The following JPT1 variants were observed in gnomAD, a reference collection of about 807,000 sequenced individuals.
JPT1 encodes Jupiter microtubule associated homolog 1, also known as androgen-regulated protein 2.
JPT1 carries 5 observed loss-of-function variants against 17.0 expected under a neutral mutation model. The ratio of observed to expected loss-of-function variants is 0.29; its 90% CI spans 0.15 to 0.62. The LOEUF (loss-of-function observed/expected upper bound fraction) is 0.62. Ranked by LOEUF, JPT1 falls within the 20% of genes least tolerant of loss-of-function variation. The probability of loss-of-function intolerance (pLI) is 0.85; values close to 1 mark genes in which losing one functional copy is unlikely to be tolerated. For missense variants in JPT1, 158 were observed against 188.1 expected (o/e 0.84, Z 0.94); for synonymous variants, 71 against 73.6 (o/e 0.96, Z 0.18).
chr17:75,151,311 G>A lies in JPT1; in HGVS notation c.57-2640C>T, dbSNP rs576056088. ...AGATCACACCACTGCACTCTAGCCT[G>A]GGCAAAAGAGTGAGACTCCGTCTCA... On this transcript the variant is annotated intron_variant, in intron 1 of 4. Transcript: ENST00000409753. 5.3e-5 allele frequency among the ~76,000 whole-genome samples: 8 copies of A among 151,888 alleles called. No homozygotes were observed. In the South Asian group the frequency reaches 1.7e-3, roughly 32 times the overall value.
chr17:75,146,700 A>G lies in JPT1; in HGVS notation c.298-16T>C, dbSNP rs1251067767. The G allele has an allele frequency of 6.7e-7, 1 of 1,502,920 alleles. No individual in the cohort carries two copies. Among genetic ancestry groups the G allele is most frequent in the Admixed American group, 2.0e-5 (1 of 50,436 alleles). The allele number at this position is 1,502,920 out of a possible 1,614,324, so 93.1% of individuals were successfully genotyped here. A position where few individuals can be genotyped will look rare whatever the true frequency, so the allele number is the denominator to read the frequency against. On this transcript the variant is annotated splice_polypyrimidine_tract_variant and intron_variant, in intron 3 of 4. Transcript: ENST00000409753. The stretch of plus-strand genomic sequence containing the variant: ...CACCTTCTCCCTAGAAAAGAAAAAA[A>G]TTCAAAAATTTACTTCCTATTTTAA...
rs1430590914 is a variant in JPT1, at chr17:75,151,863, G to A, written c.56+2479C>T. Among the ~76,000 whole-genome samples the A allele has an allele frequency of 4.6e-5, 7 of 151,808 alleles. No individual in the cohort carries two copies. In the East Asian group the frequency reaches 9.7e-4, roughly 21 times the overall value. On this transcript the variant is annotated intron_variant, in intron 1 of 4. Coordinates refer to ENST00000409753, the MANE Select transcript of JPT1 (RefSeq NM_016185.4). Reference sequence around the variant, plus strand: ...ACATGCCTGTAATCTCGGCTAGTCGGGAGGCTGAGGCAGGAGAATCGCTTG... The same window carrying A: ...ACATGCCTGTAATCTCGGCTAGTCGAGAGGCTGAGGCAGGAGAATCGCTTG...
At position 75,148,570 on chromosome 17, in the gene JPT1, C is replaced by A. The variant is rs117208625; in HGVS notation, c.158G>T (p.Gly53Val). 3.1e-3 allele frequency: 5,046 copies of A among 1,614,104 alleles called. 11 individuals carry two copies. Among genetic ancestry groups the A allele is most frequent in the Non-Finnish European group, 3.9e-3 (4,574 of 1,180,020 alleles). Reference sequence around the variant, plus strand: ...AGAAGCTTGATTTTCTTCAGGTGTCCCAAAGATATTAGAGGCCATTTTGTT... The same window carrying A: ...AGAAGCTTGATTTTCTTCAGGTGTCACAAAGATATTAGAGGCCATTTTGTT... The part of the protein sequence containing the change: ...RKNKMASNIF[G>V]TPEENQASWA... Residue 53 changes from glycine to valine, a missense_variant, in exon 2 of 5, where the codon GGG (glycine) becomes GTG (valine). By Grantham distance (109) the Gly-to-Val change is moderately radical. Coordinates refer to ENST00000409753, the MANE Select transcript of JPT1 (RefSeq NM_016185.4).
In JPT1 at chr17:75,135,712, G is replaced by C. The variant is rs533034786; in HGVS notation, c.*390C>G. On this transcript the variant is annotated 3_prime_UTR_variant, in exon 5 of 5. Coordinates refer to ENST00000409753, the MANE Select transcript of JPT1 (RefSeq NM_016185.4). ...GGCTCTGCGGAGAGACTCCCTGTGGGTTGGGGCCTGGCAGGAACGGTGCCT... is the reference window on the plus strand; with the variant it reads ...GGCTCTGCGGAGAGACTCCCTGTGGCTTGGGGCCTGGCAGGAACGGTGCCT... The C allele has an allele frequency of 4.0e-6, 1 of 249,532 alleles. No homozygotes were observed. Among genetic ancestry groups the C allele is most frequent in the African/African-American group, 2.2e-5 (1 of 45,154 alleles). 15.5% of individuals were successfully genotyped at this position (249,532 alleles called of 1,614,324 possible). A position where few individuals can be genotyped will look rare whatever the true frequency, so the allele number is the denominator to read the frequency against.
intron 3 of JPT1, 29 bp downstream of exon 3, chr17:75,147,527 C>T (rs751655492): frequency 1.4e-6 from 2 of 1,478,676 alleles, no homozygotes; most frequent in Admixed American, 3.4e-5. Context: ...GACCTGAAAG[C>T]CTTTCTGGCC....
chr17:75,138,816 C>T (rs1245670841), intron 4 of JPT1, among the ~76,000 whole-genome samples: 2 of 152,174 alleles, frequency 1.3e-5, no homozygotes, highest in Non-Finnish European at 2.9e-5. Flanking sequence ...ATTGGACAGA[C>T]ATTTATTTTA....
Position 75,142,885 on chromosome 17 carries a change from TACACAC to T in JPT1, c.316+3775_316+3780del, listed in dbSNP as rs79949682. 49 of 379,870 alleles carry T rather than the reference TACACAC, an allele frequency of 1.3e-4. 1 individual carries two copies. In the East Asian group the frequency reaches 2.7e-3, roughly 21 times the overall value. 23.5% of individuals were successfully genotyped at this position (379,870 alleles called of 1,614,324 possible). A position where few individuals can be genotyped will look rare whatever the true frequency, so the allele number is the denominator to read the frequency against. The stretch of plus-strand genomic sequence containing the variant: ...TATGATATACATACGTATATGAAAA[TACACAC>T]ACACACACACAAAATCTGTTTTTGT... On this transcript the variant is annotated intron_variant, in intron 4 of 4. Transcript: ENST00000409753.
At chr17:75,152,613 G>A (rs1192430703) in intron 1 of JPT1, among the ~76,000 whole-genome samples, 1 of 152,202 alleles carries the variant, frequency 6.6e-6, no homozygotes, top group Non-Finnish European at 1.5e-5. Flanking sequence ...AAAACTAAGT[G>A]TGAGGATTCA....
At chr17:75,150,499 C>A (rs1443861769) in intron 1 of JPT1, among the ~76,000 whole-genome samples, 1 of 151,902 alleles carries the variant, frequency 6.6e-6, no homozygotes, top group Non-Finnish European at 1.5e-5. Flanking sequence ...GTGATCCACC[C>A]GCCTGGCCTC....
At chr17:75,147,245 A>G (rs1326850599) in intron 3 of JPT1, among the ~76,000 whole-genome samples, 1 of 152,218 alleles carries the variant, frequency 6.6e-6, no homozygotes, top group African/African-American at 2.4e-5. Context: ...CTGGAGTTCA[A>G]CGCAAAGCAG....
Position 75,142,695 on chromosome 17 carries a change from GGGGAGGGGAA to G in JPT1, c.316+3961_316+3970del, listed in dbSNP as rs1415493500. ...GGGAACGGGAAGGGATGAGAAGGGA[GGGGAGGGGAA>G]GGGAGAGGAGGGAAGAAGGAAGGAA... On this transcript the variant is annotated intron_variant, in intron 4 of 4. Coordinates refer to ENST00000409753, the MANE Select transcript of JPT1 (RefSeq NM_016185.4). 5.5e-5 allele frequency: 24 copies of G among 434,692 alleles called. No homozygotes were observed. The Admixed American group carries it at 5.9e-4, about 11-fold the overall frequency. The allele number at this position is 434,692 out of a possible 1,614,324, so 26.9% of individuals were successfully genotyped here.
At position 75,154,480 on chromosome 17, in the gene JPT1, C is replaced by A. The variant is rs1027824746; in HGVS notation, c.-83G>T. On this transcript the variant is annotated 5_prime_UTR_variant, in exon 1 of 5. Transcript: ENST00000409753. ...GAGGGGCGCTGGGAAACTCCACACC[C>A]AACAGCCGACCACCGCTGCAGGAGC... 6 of 1,309,090 alleles carry A rather than the reference C, an allele frequency of 4.6e-6. No homozygotes were observed. The highest frequency in any genetic ancestry group is 4.5e-5 in the African/African-American group (3 of 66,726). 81.1% of individuals were successfully genotyped at this position (1,309,090 alleles called of 1,614,324 possible).
At chr17:75,145,750 T>A (rs2074415867) in intron 4 of JPT1, 1 of 152,196 alleles carries the variant, frequency 6.6e-6, no homozygotes. Context: ...ATACTGCACT[T>A]GGCTAGTCTG....
chr17:75,150,978 C>G (rs1399389079), intron 1 of JPT1, among the ~76,000 whole-genome samples: 2 of 150,756 alleles, frequency 1.3e-5, no homozygotes, highest in Non-Finnish European at 2.9e-5. Flanking sequence ...CTTAGCCTCT[C>G]GAGAAGCTGG....
intron 1 of JPT1, among the ~76,000 whole-genome samples, chr17:75,151,098 C>G (rs1424755373): frequency 6.6e-6 from 1 of 150,680 alleles, no homozygotes; most frequent in Non-Finnish European, 1.5e-5. Context: ...ATGATCTGCC[C>G]GCCTCGGCCT....
In JPT1 at chr17:75,148,739, A is replaced by G. The variant is rs900533593; in HGVS notation, c.57-68T>C. ...CATTTCTTGGCATAAATCTTTTCAG[A>G]CAACTTTCATTTCACTTTCCTCACC... is the stretch of plus-strand genomic sequence containing the variant. On this transcript the variant is annotated intron_variant, in intron 1 of 4. Coordinates refer to ENST00000409753, the MANE Select transcript of JPT1 (RefSeq NM_016185.4). The G allele has an allele frequency of 1.9e-6, 3 of 1,568,886 alleles. No individual in the cohort carries two copies. The African/African-American group carries it at 4.1e-5, about 21-fold the overall frequency.
At chr17:75,137,522 A>ATT (rs1213619500) in intron 4 of JPT1, among the ~76,000 whole-genome samples, 4 of 138,804 alleles carry the variant, frequency 2.9e-5, no homozygotes, top group African/African-American at 1.2e-4. Context: ...ACAACTGGCT[A>ATT]TTTTTGTTTT....
At chr17:75,146,327 A>C in intron 4 of JPT1, 1 of 203,070 alleles carries the variant, frequency 4.9e-6, no homozygotes. Flanking sequence ...TAATTTTTGT[A>C]CTTTTTTATA....
chr17:75,137,199 C>T (rs1161285570), intron 4 of JPT1, among the ~76,000 whole-genome samples: 1 of 152,126 alleles, frequency 6.6e-6, no homozygotes. Context: ...TGAATTGTCT[C>T]TCATTAGGGT....
Sources: allele counts gnomAD v4.1 joint callset (sites outside exome capture counted in the v4.1 genomes callset), GRCh38; gene constraint gnomAD v4.1.1; transcripts MANE v1.5; gene names NCBI Gene and HGNC (gene_info 2026-07-23, HGNC 2026-07-21).